ZNF248: variants seen among roughly 807,000 people sequenced by gnomAD.
ZNF248 encodes the protein zinc finger protein 248.
A neutral mutation model predicts 44.3 loss-of-function variants in ZNF248; 20 were observed. The observed-to-expected ratio is 0.45, with a 90% CI of 0.32 to 0.66. ZNF248 has a LOEUF of 0.66. ZNF248 is among the 30% of genes least tolerant of loss of function. The pLI is 0.04. For missense variants in ZNF248, 654 were observed against 677.0 expected (o/e 0.97, Z 0.38); for synonymous variants, 224 against 229.0 (o/e 0.98, Z 0.20).
intron 3 of ZNF248, among the ~76,000 whole-genome samples, chr10:37,844,712 A>G (rs1163722177): frequency 1.3e-5 from 2 of 152,186 alleles, no homozygotes; most frequent in Non-Finnish European, 1.5e-5. Flanking sequence ...CATGGTAAAC[A>G]CCAACAAAAT....
chr10:37,808,168 A>G (rs1196419186), intron 6 of ZNF248, among the ~76,000 whole-genome samples: 39 of 151,988 alleles, frequency 2.6e-4, no homozygotes, highest in Admixed American at 2.5e-3. Flanking sequence ...TGGCTTTCAT[A>G]TGTTGAGTCA....
At chr10:37,843,402 C>T (rs1197276962) in intron 3 of ZNF248, among the ~76,000 whole-genome samples, 16 of 143,148 alleles carry the variant, frequency 1.1e-4, no homozygotes, top group African/African-American at 4.2e-4. Context: ...TCCAGCCTGG[C>T]GACAGAGCAA....
At chr10:37,772,177 A>G (rs1336661882), downstream of ZNF248, among the ~76,000 whole-genome samples, 1 of 152,052 alleles carries the variant, frequency 6.6e-6, no homozygotes, top group African/African-American at 2.4e-5. Context: ...AGGCAGGAGA[A>G]TCACTTGAAC....
Position 37,832,806 on chromosome 10 carries a change from G to T in ZNF248, c.549C>A (p.Ile183=), listed in dbSNP as rs145831910. 3 of 1,613,648 alleles carry T rather than the reference G, an allele frequency of 1.9e-6. No individual in the cohort carries two copies. The African/African-American group carries it at 4.0e-5, about 22-fold the overall frequency. ...ATTTATAAGACTTCTCTCCAATAGG[G>T]ATTTTCTCATGCCTAATATCAAGGA... ...KLLLDIRHEK[I]PIGEKSYKYD... Residue 183 remains isoleucine, a synonymous_variant, in exon 6 of 6, where the codon ATC becomes ATA. Transcript: ENST00000395867.
chr10:37,853,597 C>A (rs908458054), intron 3 of ZNF248, among the ~76,000 whole-genome samples: 1 of 152,018 alleles, frequency 6.6e-6, no homozygotes, highest in South Asian at 2.1e-4. Context: ...TCAGGCTGGT[C>A]GCGAACTCCC....
At chr10:37,808,449 A>G (rs1270577726) in intron 6 of ZNF248, among the ~76,000 whole-genome samples, 2 of 151,458 alleles carry the variant, frequency 1.3e-5, no homozygotes, top group Non-Finnish European at 2.9e-5. Context: ...CACCTGGTTG[A>G]TTTTTTTTAA....
At chr10:37,767,932 T>C in the ZNF248 span, among the ~76,000 whole-genome samples, 49 of 151,996 alleles carry the variant, frequency 3.2e-4, no homozygotes, top group East Asian at 8.7e-3. Context: ...TGGAGGAAGA[T>C]CTACCAAGCA....
At chr10:37,778,089 T>C (rs1318391396) in intron 6 of ZNF248, among the ~76,000 whole-genome samples, 4 of 152,180 alleles carry the variant, frequency 2.6e-5, no homozygotes, top group Admixed American at 2.6e-4. Flanking sequence ...CTTCCAGTTC[T>C]AGATCCCTGA....
rs1177645878 is a variant in ZNF248, at chr10:37,829,243, C to G, written c.*2372G>C. The G allele has an allele frequency of 5.1e-6, 5 of 985,472 alleles. No homozygotes were observed. Among genetic ancestry groups the G allele is most frequent in the Non-Finnish European group, 4.8e-6 (4 of 829,962 alleles). 61.0% of individuals were successfully genotyped at this position (985,472 alleles called of 1,614,324 possible). On this transcript the variant is annotated 3_prime_UTR_variant, in exon 6 of 6. Transcript: ENST00000395867. ...CAGTTCTTACTGGGCTCTGGTAACA[C>G]TGTTTCCCTCCTTGCCCTTCAAGGC...
chr10:37,775,163 C>T (rs2046485067), downstream of ZNF248, among the ~76,000 whole-genome samples: 1 of 152,110 alleles, frequency 6.6e-6, no homozygotes, highest in South Asian at 2.1e-4. Context: ...TACAGTTATA[C>T]AACACAATGT....
At chr10:37,809,237 T>C (rs1442648145) in intron 6 of ZNF248, among the ~76,000 whole-genome samples, 1 of 151,940 alleles carries the variant, frequency 6.6e-6, no homozygotes, top group Non-Finnish European at 1.5e-5. Flanking sequence ...CTACTCTTTA[T>C]TTCCTTCCTT....
intron 6 of ZNF248, chr10:37,819,272 T>C (rs1225556499): frequency 2.2e-6 from 2 of 915,220 alleles, no homozygotes; most frequent in East Asian, 2.4e-5. Flanking sequence ...GTTTAGATCA[T>C]TTCCCTCACA....
At chr10:37,759,450 G>A in the ZNF248 span, among the ~76,000 whole-genome samples, 4 of 152,162 alleles carry the variant, frequency 2.6e-5, no homozygotes, top group Non-Finnish European at 5.9e-5. Flanking sequence ...ACCCCTTAAT[G>A]TGTTCCAGAT....
At chr10:37,801,251 C>T (rs912913135) in intron 6 of ZNF248, among the ~76,000 whole-genome samples, 11 of 151,832 alleles carry the variant, frequency 7.2e-5, no homozygotes, top group African/African-American at 2.7e-4. Flanking sequence ...TGGCATGCAC[C>T]TGTAGACCCA....
chr10:37,772,374 TG>T (rs1564439740), downstream of ZNF248, among the ~76,000 whole-genome samples: 3 of 152,178 alleles, frequency 2.0e-5, no homozygotes, highest in East Asian at 5.8e-4. Flanking sequence ...TGTGTGTCTG[TG>T]TGTGTTACAT....
intron 5 of ZNF248, among the ~76,000 whole-genome samples, chr10:37,834,868 T>C (rs941695796): frequency 3.9e-5 from 6 of 152,058 alleles, no homozygotes; most frequent in African/African-American, 1.4e-4. Context: ...AGATATAGAA[T>C]AGGACGGGAT....
chr10:37,826,722 T>C (rs529285914), downstream of ZNF248, among the ~76,000 whole-genome samples: 1 of 152,336 alleles, frequency 6.6e-6, no homozygotes, highest in Admixed American at 6.5e-5. Flanking sequence ...TTTATTTCTC[T>C]TTAGAAGCAA....
At position 37,832,404 on chromosome 10, in the gene ZNF248, TCCC is replaced by T; in HGVS notation, c.948_950del (p.Gly317del). 1 of 1,614,036 alleles carries T rather than the reference TCCC, an allele frequency of 6.2e-7. No individual in the cohort carries two copies. The highest frequency in any genetic ancestry group is 8.5e-7 in the Non-Finnish European group (1 of 1,179,938). On this transcript the variant is annotated inframe_deletion, in exon 6 of 6. Transcript: ENST00000395867. ...CACGGAGAATCTTTCTTGTGTAAGC[TCCC>T]TGATGGATAATGAAAGCTGAATTGT...
At chr10:37,804,731 G>A (rs1431839581) in intron 6 of ZNF248, among the ~76,000 whole-genome samples, 2 of 152,174 alleles carry the variant, frequency 1.3e-5, no homozygotes, top group African/African-American at 4.8e-5. Context: ...CGTCAGCCAC[G>A]GCACCCAGCC....
Sources: allele counts gnomAD v4.1 joint callset (sites outside exome capture counted in the v4.1 genomes callset), GRCh38; gene constraint gnomAD v4.1.1; transcripts MANE v1.5; gene names NCBI Gene and HGNC (gene_info 2026-07-23, HGNC 2026-07-21).